The following RBFOX1 variants were observed in gnomAD, a reference collection of about 807,000 sequenced individuals.
The protein encoded by RBFOX1 is RNA binding protein fox-1 homolog 1.
RBFOX1 carries 8 observed loss-of-function variants against 57.7 expected under a neutral mutation model. The observed-to-expected ratio is 0.14, with a 90% confidence interval of 0.08 to 0.25. The LOEUF is 0.25. RBFOX1 is among the 10% of genes least tolerant of loss of function. The pLI is 1.00. For missense variants in RBFOX1, 611 were observed against 548.5 expected (o/e 1.11, Z -1.14); for synonymous variants, 326 against 222.4 (o/e 1.47, Z -4.15).
intron 3 of RBFOX1, among the ~76,000 whole-genome samples, chr16:7,035,118 G>T (rs986195391): frequency 6.6e-6 from 1 of 151,834 alleles, no homozygotes; most frequent in African/African-American, 2.4e-5. Flanking sequence ...AAAGTGCTGG[G>T]ATTACAGGTG....
At chr16:6,892,586 C>G (rs578124700) in intron 3 of RBFOX1, among the ~76,000 whole-genome samples, 3 of 152,286 alleles carry the variant, frequency 2.0e-5, no homozygotes, top group East Asian at 3.9e-4. Flanking sequence ...AGAAGGATCA[C>G]TTGAACCTGG....
intron 2 of RBFOX1, among the ~76,000 whole-genome samples, chr16:5,533,708 A>G (rs901048196): frequency 6.6e-6 from 1 of 152,190 alleles, no homozygotes; most frequent in Admixed American, 6.5e-5. Flanking sequence ...TCAGCCTTGT[A>G]AAATGACCAT....
At chr16:7,024,509 C>T (rs984654022) in intron 3 of RBFOX1, among the ~76,000 whole-genome samples, 1 of 152,190 alleles carries the variant, frequency 6.6e-6, no homozygotes, top group Admixed American at 6.5e-5. Context: ...TAGTTATAGG[C>T]CCTTGTGCAA....
chr16:7,234,780 T>G (rs865945033), intron 4 of RBFOX1, among the ~76,000 whole-genome samples: 96 of 152,018 alleles, frequency 6.3e-4, no homozygotes, highest in African/African-American at 2.0e-3. Context: ...GGTAATAGAC[T>G]ACATTCAAAC....
At chr16:7,595,699 A>G in intron 8 of RBFOX1, 58 bp downstream of exon 8, 5 of 1,430,456 alleles carry the variant, frequency 3.5e-6, no homozygotes, top group Non-Finnish European at 4.7e-6. Context: ...CTTCACGCTC[A>G]TTCGTTGTTC....
intron 4 of RBFOX1, among the ~76,000 whole-genome samples, chr16:7,361,376 G>A (rs1038860319): frequency 6.6e-6 from 1 of 152,174 alleles, no homozygotes; most frequent in South Asian, 2.1e-4. Flanking sequence ...TGCTCTTGGG[G>A]AAGATTAAAA....
At chr16:6,943,395 C>G (rs1003735537) in intron 3 of RBFOX1, among the ~76,000 whole-genome samples, 6 of 152,090 alleles carry the variant, frequency 3.9e-5, no homozygotes, top group Admixed American at 6.6e-5. Context: ...ACAGACAAGA[C>G]TGAAAATCTA....
At chr16:5,673,057 C>T (rs1183572747) in intron 3 of RBFOX1, among the ~76,000 whole-genome samples, 1 of 152,098 alleles carries the variant, frequency 6.6e-6, no homozygotes, top group Admixed American at 6.6e-5. Context: ...CCTCCACCCG[C>T]TTCCAGCGGT....
intron 10 of RBFOX1, among the ~76,000 whole-genome samples, chr16:7,613,780 T>C (rs1469298223): frequency 6.6e-6 from 1 of 152,134 alleles, no homozygotes; most frequent in East Asian, 1.9e-4. Flanking sequence ...TTAGTCATAC[T>C]TTTAGCTGTA....
At position 6,747,472 on chromosome 16, in the gene RBFOX1, C is replaced by G. The variant is rs535974826; in HGVS notation, c.-16+92822C>G. ...TCTGTCTGTCTGTCTGTCTGTCTGT[C>G]TGTTTATCTATCTGTCTATCTGTCT... On this transcript the variant is annotated intron_variant, in intron 3 of 15. Coordinates refer to ENST00000550418, the MANE Select transcript of RBFOX1 (RefSeq NM_018723.4). Among the ~76,000 whole-genome samples, 6 of 146,718 alleles carry G rather than the reference C, an allele frequency of 4.1e-5. No individual in the cohort carries two copies. The East Asian group carries it at 9.8e-4, about 24-fold the overall frequency.
intron 1 of RBFOX1, among the ~76,000 whole-genome samples, chr16:6,096,876 A>C (rs1412071075): frequency 6.6e-6 from 1 of 152,216 alleles, no homozygotes. Context: ...GGCACTGCCA[A>C]GTCCCAGACC....
intron 2 of RBFOX1, among the ~76,000 whole-genome samples, chr16:6,522,035 G>C (rs931077482): frequency 5.3e-5 from 8 of 152,144 alleles, no homozygotes; most frequent in Non-Finnish European, 1.0e-4. Context: ...TCTAATGAAA[G>C]TGTTAGGAGA....
intron 4 of RBFOX1, among the ~76,000 whole-genome samples, chr16:7,486,574 G>A (rs1414138354): frequency 6.6e-6 from 1 of 152,144 alleles, no homozygotes; most frequent in Non-Finnish European, 1.5e-5. Flanking sequence ...GTGGCTTGAG[G>A]ATTCAGGGGA....
At chr16:6,597,598 G>T (rs1037596798) in intron 2 of RBFOX1, among the ~76,000 whole-genome samples, 5 of 152,038 alleles carry the variant, frequency 3.3e-5, no homozygotes, top group Non-Finnish European at 5.9e-5. Flanking sequence ...GCGTGAACCC[G>T]GGAGGTGGAA....
intron 3 of RBFOX1, among the ~76,000 whole-genome samples, chr16:5,743,409 G>A (rs192664938): frequency 2.0e-4 from 31 of 152,282 alleles, no homozygotes; most frequent in African/African-American, 7.5e-4. Flanking sequence ...TGCAGAGCAT[G>A]TCCCGTGGAA....
intron 2 of RBFOX1, among the ~76,000 whole-genome samples, chr16:5,596,160 G>C (rs1479693837): frequency 6.6e-6 from 1 of 152,170 alleles, no homozygotes; most frequent in South Asian, 2.1e-4. Flanking sequence ...AGAGGAAGAA[G>C]GCTCTGCAGG....
chr16:7,069,338 A>G (rs2056838169), intron 4 of RBFOX1, among the ~76,000 whole-genome samples: 1 of 151,998 alleles, frequency 6.6e-6, no homozygotes, highest in African/African-American at 2.4e-5. Flanking sequence ...GTTTTCCCTA[A>G]TGCTCTCCCT....
intron 3 of RBFOX1, among the ~76,000 whole-genome samples, chr16:5,726,647 C>G (rs944681595): frequency 6.6e-6 from 1 of 152,214 alleles, no homozygotes; most frequent in Non-Finnish European, 1.5e-5. Context: ...TACACTAACA[C>G]TATTATGTTA....
At chr16:5,313,543 C>G (rs1479827388) in intron 1 of RBFOX1, among the ~76,000 whole-genome samples, 1 of 151,984 alleles carries the variant, frequency 6.6e-6, no homozygotes, top group African/African-American at 2.4e-5. Context: ...AAGACTTACC[C>G]GAGACTGGGA....
Sources: gnomAD v4.1 joint callset for allele counts (sites outside exome capture counted in the v4.1 genomes callset) on GRCh38, gnomAD v4.1.1 for gene constraint, MANE v1.5 for transcripts, NCBI Gene and HGNC (gene_info 2026-07-23, HGNC 2026-07-21) for gene names.